Variants in DNAI1 observed in about 807,000 individuals in gnomAD.
DNAI1 encodes the protein dynein, axonemal, intermediate polypeptide 1.
DNAI1 carries 67 observed loss-of-function variants against 92.0 expected under a neutral mutation model. The observed-to-expected ratio is 0.73, with a 90% CI of 0.60 to 0.89. The LOEUF (loss-of-function observed/expected upper bound fraction) is 0.89. DNAI1 is among the 40% of genes least tolerant of loss of function. The probability of loss-of-function intolerance (pLI) is 0.00; values close to 1 mark genes in which losing one functional copy is unlikely to be tolerated. For synonymous variants in DNAI1, 323 were observed against 319.6 expected (o/e 1.01, Z -0.11); for missense variants, 839 against 866.6 (o/e 0.97, Z 0.40).
At chr9:34,499,302 C>T (rs1287838797) in intron 10 of DNAI1, among the ~76,000 whole-genome samples, 1 of 152,230 alleles carries the variant, frequency 6.6e-6, no homozygotes, top group Non-Finnish European at 1.5e-5. Flanking sequence ...GGTATGGGCA[C>T]TATAGGAGAT....
chr9:34,498,444 C>T (rs530541642), intron 10 of DNAI1, among the ~76,000 whole-genome samples: 13 of 152,204 alleles, frequency 8.5e-5, no homozygotes, highest in Non-Finnish European at 1.3e-4. Context: ...AGCACTTCGC[C>T]GCTAGGCTGC....
At chr9:34,517,536 G>C in intron 19 of DNAI1, 69 bp downstream of exon 19, 1 of 1,594,360 alleles carries the variant, frequency 6.3e-7, no homozygotes, top group Non-Finnish European at 8.6e-7. Context: ...TGACAGAAGG[G>C]AGAAGCCAGG....
chr9:34,486,718 A>G (rs1327368515), intron 4 of DNAI1, among the ~76,000 whole-genome samples: 1 of 152,152 alleles, frequency 6.6e-6, no homozygotes, highest in Admixed American at 6.5e-5. Flanking sequence ...GACCACCACA[A>G]TTTTAGAACA....
chr9:34,490,020 G>T lies in DNAI1; in HGVS notation c.397G>T (p.Glu133Ter). 6.2e-7 allele frequency: 1 copy of T among 1,614,102 alleles called. No individual in the cohort carries two copies. Among genetic ancestry groups the T allele is most frequent in the Admixed American group, 1.7e-5 (1 of 60,014 alleles). ...GGCAGTATCCTACCAAGGTTCTCAG[G>T]AGTCTGTCAAGGTGATTTCAGAAAC... Reference protein sequence around the residue: ...YRDELVAGSQESVKVISETGN... With the variant: ...YRDELVAGSQ Residue 133 changes from glutamate to a stop codon, truncating the protein, a stop_gained, in exon 6 of 20, where the codon GAG becomes TAG. Coordinates refer to ENST00000242317, the MANE Select transcript of DNAI1 (RefSeq NM_012144.4). LOFTEE classifies it high-confidence loss of function.
chr9:34,481,440 G>A (rs950877721), intron 1 of DNAI1, among the ~76,000 whole-genome samples: 12 of 152,270 alleles, frequency 7.9e-5, no homozygotes, highest in East Asian at 5.8e-4. Context: ...TGTCTGGCTG[G>A]GCGCAAAAGA....
intron 12 of DNAI1, among the ~76,000 whole-genome samples, chr9:34,503,968 C>T (rs1587082674): frequency 6.6e-6 from 1 of 152,294 alleles, no homozygotes; most frequent in East Asian, 1.9e-4. Context: ...CTGAAGGGGT[C>T]CTTTCCAGCC....
Position 34,514,380 on chromosome 9 carries a change from C to A in DNAI1, c.1570-14C>A. The A allele has an allele frequency of 3.7e-6, 6 of 1,613,344 alleles. No individual in the cohort carries two copies. The highest frequency in any genetic ancestry group is 5.1e-6 in the Non-Finnish European group (6 of 1,180,028). ...CTTTCTCTCACTTCTGACCCCCGTT[C>A]CCTCCCCGACCAGTGCTCTAAATCC... On this transcript the variant is annotated splice_polypyrimidine_tract_variant and intron_variant, in intron 16 of 19. Coordinates refer to ENST00000242317, the MANE Select transcript of DNAI1 (RefSeq NM_012144.4).
chr9:34,481,758 G>A (rs1433378836), intron 1 of DNAI1, among the ~76,000 whole-genome samples: 4 of 152,124 alleles, frequency 2.6e-5, no homozygotes, highest in South Asian at 4.1e-4. Context: ...TGGTGGGCTC[G>A]TGGTCTTGCT....
chr9:34,508,065 G>A (rs1824978734), intron 13 of DNAI1, among the ~76,000 whole-genome samples: 1 of 152,152 alleles, frequency 6.6e-6, no homozygotes, highest in South Asian at 2.1e-4. Flanking sequence ...TTTTTCCATG[G>A]GCAGGACTGG....
chr9:34,509,359 ATTAAG>A (rs896799924), intron 13 of DNAI1, among the ~76,000 whole-genome samples: 7 of 151,994 alleles, frequency 4.6e-5, no homozygotes, highest in Admixed American at 2.7e-4. Context: ...GCACTTATCT[ATTAAG>A]TTAAGATGCT....
chr9:34,481,524 C>G (rs1302743139), intron 1 of DNAI1, among the ~76,000 whole-genome samples: 1 of 152,224 alleles, frequency 6.6e-6, no homozygotes, highest in Non-Finnish European at 1.5e-5. Context: ...TTGGTGGGTT[C>G]TTGGTCTCAC....
rs1021425002 is a variant in DNAI1, at chr9:34,491,506, C to T, written c.633C>T (p.Cys211=). The change falls in exon 8 of 20, where the codon TGC becomes TGT. Residue 211 remains cysteine (C), a synonymous_variant. Transcript: ENST00000242317. ...GTCTTGTTCTTTAGGATCGAGAATG[C>T]CAGACGGAGCCTCCTCCCAGGACAA... ...TYNNPVRDRE[C]QTEPPPRTNF... 4.3e-6 allele frequency: 7 copies of T among 1,614,044 alleles called. No homozygotes were observed. In the Admixed American group the frequency reaches 5.0e-5, roughly 12 times the overall value.
intron 8 of DNAI1, 149 bp downstream of exon 8, chr9:34,491,703 C>G (rs1355426669): frequency 1.1e-6 from 1 of 871,340 alleles, no homozygotes. Flanking sequence ...TCCTGAGCAT[C>G]CAGGCTCTGA....
chr9:34,513,099 C>G lies in DNAI1; in HGVS notation c.1490-13C>G, dbSNP rs779059643. 1 of 1,613,152 alleles carries G rather than the reference C, an allele frequency of 6.2e-7. No homozygotes were observed. Among genetic ancestry groups the G allele is most frequent in the Non-Finnish European group, 8.5e-7 (1 of 1,179,154 alleles). Reference sequence around the variant, plus strand: ...GGAACTGGGCTAAGCCTGCCCCTCCCTCTTTTCCCAAGGTTGTGGCACTGC... The same window carrying G: ...GGAACTGGGCTAAGCCTGCCCCTCCGTCTTTTCCCAAGGTTGTGGCACTGC... On this transcript the variant is annotated splice_polypyrimidine_tract_variant and intron_variant, in intron 15 of 19. Coordinates refer to ENST00000242317, the MANE Select transcript of DNAI1 (RefSeq NM_012144.4).
At position 34,458,903 on chromosome 9, in the gene DNAI1, C is replaced by T. The variant is rs1305405939; in HGVS notation, c.-103C>T. 3 of 1,040,558 alleles carry T rather than the reference C, an allele frequency of 2.9e-6. No homozygotes were observed. Among genetic ancestry groups the T allele is most frequent in the African/African-American group, 3.1e-5 (2 of 63,922 alleles). 64.5% of individuals were successfully genotyped at this position (1,040,558 alleles called of 1,614,324 possible). A position where few individuals can be genotyped will look rare whatever the true frequency, so the allele number is the denominator to read the frequency against. On this transcript the variant is annotated 5_prime_UTR_variant, in exon 1 of 20. Coordinates refer to ENST00000242317, the MANE Select transcript of DNAI1 (RefSeq NM_012144.4). The surrounding 1 kb of genome is among the most constrained non-coding windows in gnomAD (Gnocchi z 6.6). ...CCTAAAGAACCGTTGCGACTGGTAACTGAAGTGGAAGAGAGTCCAGATTTC... is the reference window on the plus strand; with the variant it reads ...CCTAAAGAACCGTTGCGACTGGTAATTGAAGTGGAAGAGAGTCCAGATTTC...
At position 34,500,904 on chromosome 9, in the gene DNAI1, A is replaced by G. The variant is rs1824819147; in HGVS notation, c.1019+65A>G. ...GCCCTCTACATCCCAAACCCCCAGT[A>G]CCCCCTTCTGCACTTAACCACCTTG... On this transcript the variant is annotated intron_variant, in intron 11 of 19. Coordinates refer to ENST00000242317, the MANE Select transcript of DNAI1 (RefSeq NM_012144.4). 5.4e-6 allele frequency: 7 copies of G among 1,299,820 alleles called. No homozygotes were observed. In the South Asian group the frequency reaches 8.3e-5, roughly 15 times the overall value. 80.5% of individuals were successfully genotyped at this position (1,299,820 alleles called of 1,614,324 possible).
chr9:34,492,812 T>A (rs947473624), intron 8 of DNAI1, among the ~76,000 whole-genome samples: 2 of 151,758 alleles, frequency 1.3e-5, no homozygotes, highest in Admixed American at 6.6e-5. Context: ...TAAGCCACTG[T>A]GCCTGGCCTA....
Position 34,459,028 on chromosome 9 carries a change from C to T in DNAI1, c.23C>T (p.Ala8Val). ...GAGATGATTCCTGCTTCTGCGAAGG[C>T]TCCCCATAAACAGCCTCATAAGCAG... MIPASAK[A>V]PHKQPHKQSI... The change falls in exon 1 of 20, where the codon GCT becomes GTT. Residue 8 changes from alanine (A) to valine (V), a missense_variant. By Grantham distance (64) the Ala-to-Val change is moderately conservative. Coordinates refer to ENST00000242317, the MANE Select transcript of DNAI1 (RefSeq NM_012144.4). 6.2e-7 allele frequency: 1 copy of T among 1,614,196 alleles called. No homozygotes were observed. Among genetic ancestry groups the T allele is most frequent in the Non-Finnish European group, 8.5e-7 (1 of 1,180,010 alleles).
intron 5 of DNAI1, 101 bp downstream of exon 5, chr9:34,489,550 C>T: frequency 7.0e-7 from 1 of 1,424,190 alleles, no homozygotes; most frequent in Non-Finnish European, 9.9e-7. Flanking sequence ...TTCAGAGCTT[C>T]TGCTAACATA....
Sources: allele counts gnomAD v4.1 joint callset (sites outside exome capture counted in the v4.1 genomes callset), GRCh38; gene constraint gnomAD v4.1.1; non-coding constraint Gnocchi (gnomAD v3.1); transcripts MANE v1.5; gene names NCBI Gene and HGNC (gene_info 2026-07-23, HGNC 2026-07-21).